The following METTL24 variants were observed in gnomAD, a reference collection of about 807,000 sequenced individuals.
METTL24 encodes methyltransferase like 24.
A neutral mutation model predicts 32.7 loss-of-function variants in METTL24; 29 were observed. The ratio of observed to expected loss-of-function variants is 0.89; its 90% confidence interval spans 0.66 to 1.21. The LOEUF is 1.21. METTL24 is among the 50% of genes most tolerant of loss of function. METTL24 has a pLI of 0.00. For missense variants in METTL24, 439 were observed against 468.1 expected (o/e 0.94, Z 0.57); for synonymous variants, 163 against 179.5 (o/e 0.91, Z 0.73).
At position 110,322,732 on chromosome 6, in the gene METTL24, C is replaced by T; in HGVS notation, c.417+42G>A. The T allele has an allele frequency of 1.3e-6, 2 of 1,530,336 alleles. 1 individual carries two copies. Among genetic ancestry groups the T allele is most frequent in the South Asian group, 2.3e-5 (2 of 86,136 alleles). 94.8% of individuals were successfully genotyped at this position (1,530,336 alleles called of 1,614,324 possible). ...TTCTTTCAAAAGAGGCAATCAGGAT[C>T]TTTCACATTCTTCTCTAACTTCTTT... On this transcript the variant is annotated intron_variant, in intron 2 of 4. Transcript: ENST00000338882.
intron 1 of METTL24, among the ~76,000 whole-genome samples, chr6:110,349,125 C>T (rs899127628): frequency 6.6e-6 from 1 of 152,170 alleles, no homozygotes; most frequent in African/African-American, 2.4e-5. Flanking sequence ...TCCATTTAGA[C>T]ACGGATGATT....
At chr6:110,340,262 C>G (rs1772328414) in intron 1 of METTL24, among the ~76,000 whole-genome samples, 1 of 152,070 alleles carries the variant, frequency 6.6e-6, no homozygotes, top group Admixed American at 6.5e-5. Flanking sequence ...GGGGTCCTGA[C>G]TCTAGGGGCT....
chr6:110,275,070 A>C (rs987826767), intron 4 of METTL24, among the ~76,000 whole-genome samples: 2 of 151,802 alleles, frequency 1.3e-5, no homozygotes, highest in African/African-American at 4.8e-5. Flanking sequence ...AAGTGCCAGG[A>C]TTACAGGTGT....
At chr6:110,307,317 A>T (rs1771643205) in intron 3 of METTL24, among the ~76,000 whole-genome samples, 1 of 152,258 alleles carries the variant, frequency 6.6e-6, no homozygotes, top group Non-Finnish European at 1.5e-5. Flanking sequence ...ATAAAAAGAC[A>T]ACCATTATTT....
intron 3 of METTL24, among the ~76,000 whole-genome samples, chr6:110,313,686 T>G (rs1771765656): frequency 6.6e-6 from 1 of 152,224 alleles, no homozygotes; most frequent in South Asian, 2.1e-4. Context: ...TAAATTCTGC[T>G]CTCACAACTT....
chr6:110,288,707 C>T (rs1771267450), intron 4 of METTL24, among the ~76,000 whole-genome samples: 1 of 152,030 alleles, frequency 6.6e-6, no homozygotes, highest in Admixed American at 6.6e-5. Flanking sequence ...CCAAGATGAA[C>T]ATCTCCATGA....
chr6:110,354,101 G>A (rs1298809977), intron 1 of METTL24, among the ~76,000 whole-genome samples: 1 of 152,102 alleles, frequency 6.6e-6, no homozygotes, highest in African/African-American at 2.4e-5. Flanking sequence ...TAGGTTCCAG[G>A]GTGGGCATAA....
Position 110,307,894 on chromosome 6 carries a change from A to G in METTL24, c.557+7448T>C, listed in dbSNP as rs186467054. Reference sequence around the variant, plus strand: ...ACAAAATTATGTAATTCATCCTGACAATATTGTTCTGCATATATTAATGCT... The same window carrying G: ...ACAAAATTATGTAATTCATCCTGACGATATTGTTCTGCATATATTAATGCT... On this transcript the variant is annotated intron_variant, in intron 3 of 4. Transcript: ENST00000338882. 4.2e-3 allele frequency among the ~76,000 whole-genome samples: 647 copies of G among 152,324 alleles called. 7 individuals are homozygous for G. Among genetic ancestry groups the G allele is most frequent in the African/African-American group, 0.015 (624 of 41,564 alleles).
In METTL24 at chr6:110,276,843, A is replaced by G. The variant is rs572665480; in HGVS notation, c.786+22079T>C. On this transcript the variant is annotated intron_variant, in intron 4 of 4. Transcript: ENST00000338882. ...ACAAACAAAAGAAAAACAAAAAACA[A>G]ACAAAAAAACACCATTATAATACAA... 1.1e-3 allele frequency among the ~76,000 whole-genome samples: 173 copies of G among 152,322 alleles called. 2 individuals are homozygous for G. Among genetic ancestry groups the G allele is most frequent in the African/African-American group, 4.0e-3 (167 of 41,584 alleles).
chr6:110,338,221 G>C (rs191105936), intron 1 of METTL24, among the ~76,000 whole-genome samples: 1 of 152,326 alleles, frequency 6.6e-6, no homozygotes, highest in African/African-American at 2.4e-5. Flanking sequence ...TGTTGGCTGG[G>C]TGTGGTGGCT....
At chr6:110,340,767 C>G (rs747419945) in intron 1 of METTL24, among the ~76,000 whole-genome samples, 3 of 152,118 alleles carry the variant, frequency 2.0e-5, no homozygotes, top group South Asian at 2.1e-4. Context: ...CTCCACAGTA[C>G]GGAGGAAATC....
chr6:110,348,192 C>T (rs1451219560), intron 1 of METTL24, among the ~76,000 whole-genome samples: 1 of 152,202 alleles, frequency 6.6e-6, no homozygotes, highest in Non-Finnish European at 1.5e-5. Flanking sequence ...GTTTCATCTT[C>T]ACGACAACCC....
At chr6:110,248,987 T>G (rs1331481892) in intron 4 of METTL24, among the ~76,000 whole-genome samples, 1 of 151,964 alleles carries the variant, frequency 6.6e-6, no homozygotes, top group African/African-American at 2.4e-5. Context: ...CAGCATTTGT[T>G]CTATCAATTC....
intron 4 of METTL24, among the ~76,000 whole-genome samples, chr6:110,292,132 C>T (rs1348052687): frequency 1.3e-5 from 2 of 152,234 alleles, no homozygotes; most frequent in African/African-American, 4.8e-5. Flanking sequence ...CATTTAACTA[C>T]TTCCACAATG....
chr6:110,315,174 T>C (rs1399226137), intron 3 of METTL24, among the ~76,000 whole-genome samples, 168 bp downstream of exon 3: 1 of 152,122 alleles, frequency 6.6e-6, no homozygotes, highest in Non-Finnish European at 1.5e-5. Flanking sequence ...CGGTGATCCA[T>C]ACATGCCTCC....
intron 4 of METTL24, among the ~76,000 whole-genome samples, chr6:110,291,046 G>T (rs1771309826): frequency 6.6e-6 from 1 of 152,040 alleles, no homozygotes; most frequent in Non-Finnish European, 1.5e-5. Context: ...TTTGTTAATT[G>T]AATTGTTTGT....
At chr6:110,288,790 T>A (rs184933121) in intron 4 of METTL24, among the ~76,000 whole-genome samples, 2 of 152,232 alleles carry the variant, frequency 1.3e-5, no homozygotes, top group East Asian at 3.9e-4. Context: ...GTGGCAGTGG[T>A]GCTGGGTGTG....
intron 1 of METTL24, among the ~76,000 whole-genome samples, chr6:110,340,377 G>T (rs1271846561): frequency 6.6e-6 from 1 of 152,188 alleles, no homozygotes; most frequent in Non-Finnish European, 1.5e-5. Flanking sequence ...CTCAGTTAAA[G>T]ATGAACACCA....
intron 4 of METTL24, among the ~76,000 whole-genome samples, chr6:110,259,267 C>T (rs531480649): frequency 6.6e-6 from 1 of 152,310 alleles, no homozygotes; most frequent in Admixed American, 6.5e-5. Context: ...CACTCCCACC[C>T]TAATACTGAG....
Sources: gnomAD v4.1 joint callset for allele counts (sites outside exome capture counted in the v4.1 genomes callset) on GRCh38, gnomAD v4.1.1 for gene constraint, MANE v1.5 for transcripts, NCBI Gene and HGNC (gene_info 2026-07-23, HGNC 2026-07-21) for gene names.